The following ZNF2 variants were observed in gnomAD, a reference collection of about 807,000 sequenced individuals.
ZNF2 encodes the protein zinc finger protein 2.
Under a neutral mutation model 21.9 loss-of-function variants are expected in ZNF2, and 12 were observed. That is an observed-to-expected ratio of 0.55 (90% CI 0.35 to 0.89). The LOEUF (loss-of-function observed/expected upper bound fraction) is 0.89. ZNF2 is among the 40% of genes least tolerant of loss of function. The pLI, the probability that ZNF2 is intolerant of heterozygous loss-of-function variation, is 0.01. For missense variants in ZNF2, 462 were observed against 544.2 expected, an observed-to-expected ratio of 0.85 and a Z score of 1.50; for synonymous variants, 186 against 196.3, an observed-to-expected ratio of 0.95 and a Z score of 0.44.
chr2:95,171,628 G>A (rs1349530413), intron 1 of ZNF2, among the ~76,000 whole-genome samples: 3 of 152,084 alleles, frequency 2.0e-5, no homozygotes, highest in Non-Finnish European at 2.9e-5. Context: ...TGATCCACCC[G>A]CCTCGGCCTC....
chr2:95,172,509 C>T (rs1245011650), intron 1 of ZNF2, among the ~76,000 whole-genome samples: 1 of 152,036 alleles, frequency 6.6e-6, no homozygotes. Flanking sequence ...ATAAAAATAA[C>T]TTATAACTCA....
In ZNF2 at chr2:95,181,843, C is replaced by A; in HGVS notation, c.1015C>A (p.Pro339Thr). The A allele has an allele frequency of 6.2e-7, 1 of 1,614,044 alleles. No individual in the cohort carries two copies. The highest frequency in any genetic ancestry group is 8.5e-7 in the Non-Finnish European group (1 of 1,180,016). The change falls in exon 5 of 5, where the codon CCT becomes ACT. Residue 339 changes from proline (P) to threonine (T), a missense_variant. Physicochemically the swap from Pro to Thr is conservative, Grantham distance 38. Coordinates refer to ENST00000614034, the MANE Select transcript of ZNF2 (RefSeq NM_021088.4). ...ACATCAGAAAGCTCATGCTGGGGAC[C>A]CTCGCTATCAGTGTAACGAGTGTGG... Reference protein sequence around the residue: ...NRHQKAHAGDPRYQCNECGKA... With the variant: ...NRHQKAHAGDTRYQCNECGKA...
intron 1 of ZNF2, among the ~76,000 whole-genome samples, chr2:95,166,323 C>A (rs1283380151): frequency 6.6e-6 from 1 of 151,948 alleles, no homozygotes; most frequent in East Asian, 1.9e-4. Flanking sequence ...ACAACAACAA[C>A]AAAACAAAAA....
At chr2:95,169,920 A>T (rs1674215651) in intron 1 of ZNF2, among the ~76,000 whole-genome samples, 1 of 152,194 alleles carries the variant, frequency 6.6e-6, no homozygotes, top group Non-Finnish European at 1.5e-5. Context: ...CATCAAGATA[A>T]CTGCAAGAGA....
Position 95,183,646 on chromosome 2 carries a change from A to T in ZNF2, c.*1540A>T, listed in dbSNP as rs1476344436. ...TTTTTTTTTTTTTTTTGTGAGACAG[A>T]GTCTCACTCTGTCACCCAGGTTGGA... On this transcript the variant is annotated 3_prime_UTR_variant, in exon 5 of 5. Coordinates refer to ENST00000614034, the MANE Select transcript of ZNF2 (RefSeq NM_021088.4). The T allele has an allele frequency of 1.6e-5, 2 of 121,634 alleles. No individual in the cohort carries two copies. Among genetic ancestry groups the T allele is most frequent in the African/African-American group, 3.4e-5 (1 of 29,354 alleles). 7.5% of individuals were successfully genotyped at this position (121,634 alleles called of 1,614,324 possible).
chr2:95,180,971 C>T lies in ZNF2; in HGVS notation c.275-132C>T, dbSNP rs1281435111. ...CTCCCAGGTCTTAGTCCCTCCCTGCCGTGTAAGACTATCTATGGGAGCAAG... is the reference window on the plus strand; with the variant it reads ...CTCCCAGGTCTTAGTCCCTCCCTGCTGTGTAAGACTATCTATGGGAGCAAG... On this transcript the variant is annotated intron_variant, in intron 4 of 4. Transcript: ENST00000614034. 1.4e-5 allele frequency: 15 copies of T among 1,089,740 alleles called. No homozygotes were observed. In the Middle Eastern group the frequency reaches 1.2e-3, roughly 89 times the overall value. The allele number at this position is 1,089,740 out of a possible 1,614,324, so 67.5% of individuals were successfully genotyped here. A position where few individuals can be genotyped will look rare whatever the true frequency, so the allele number is the denominator to read the frequency against.
chr2:95,177,861 C>G (rs544216161), intron 3 of ZNF2, among the ~76,000 whole-genome samples: 1 of 152,154 alleles, frequency 6.6e-6, no homozygotes, highest in Non-Finnish European at 1.5e-5. Context: ...GCAGCCTGCC[C>G]GGCAAAATTC....
intron 1 of ZNF2, among the ~76,000 whole-genome samples, chr2:95,171,380 T>G (rs1388431532): frequency 2.0e-5 from 3 of 151,184 alleles, no homozygotes; most frequent in Admixed American, 1.3e-4. Flanking sequence ...TTTCTTCTTC[T>G]TCTTTTTTTT....
intron 3 of ZNF2, among the ~76,000 whole-genome samples, chr2:95,179,026 C>T (rs1674547501): frequency 6.9e-6 from 1 of 145,278 alleles, no homozygotes; most frequent in Non-Finnish European, 1.5e-5. Context: ...GAGTCTCACT[C>T]TGTTGCCTAG....
At chr2:95,179,480 A>T (rs1275110019) in intron 3 of ZNF2, among the ~76,000 whole-genome samples, 1 of 152,226 alleles carries the variant, frequency 6.6e-6, no homozygotes, top group African/African-American at 2.4e-5. Context: ...ATAAACAAAA[A>T]TGGGCAGTTT....
chr2:95,172,473 A>G (rs1016678840), intron 1 of ZNF2, among the ~76,000 whole-genome samples: 2 of 152,212 alleles, frequency 1.3e-5, no homozygotes, highest in African/African-American at 4.8e-5. Context: ...TCTTGTTGAA[A>G]AAAATATATG....
At chr2:95,168,202 A>G (rs1398564831) in intron 1 of ZNF2, among the ~76,000 whole-genome samples, 1 of 152,052 alleles carries the variant, frequency 6.6e-6, no homozygotes. Flanking sequence ...TGAGGCAGGC[A>G]GATCATGAGG....
chr2:95,167,550 C>T (rs536538561), intron 1 of ZNF2, among the ~76,000 whole-genome samples: 1 of 148,172 alleles, frequency 6.7e-6, no homozygotes, highest in East Asian at 2.0e-4. Flanking sequence ...ATAATAGGAT[C>T]AGAAATGCAT....
chr2:95,177,354 C>A, intron 2 of ZNF2, 129 bp from the exon 3 acceptor site: 2 of 1,101,672 alleles, frequency 1.8e-6, no homozygotes, highest in Non-Finnish European at 2.6e-6. Context: ...CTTTAAAGTT[C>A]TACTCAGTCA....
rs369497080 is a variant in ZNF2 at position 95,180,181 on chromosome 2, T to A, written c.183T>A (p.Asp61Glu). 2 of 1,613,946 alleles carry A rather than the reference T, an allele frequency of 1.2e-6. No homozygotes were observed. The highest frequency in any genetic ancestry group is 1.3e-5 in the African/African-American group (1 of 74,940). The change falls in exon 4 of 5, where the codon GAT becomes GAA. Residue 61 changes from aspartate (D) to glutamate (E), a missense_variant. Physicochemically the swap from Asp to Glu is conservative, Grantham distance 45. Transcript: ENST00000614034. ...VSLGLPVPQP[D>E]VIFQLKRGDK... ...CAGGCCTTCCAGTTCCTCAACCTGA[T>A]GTGATTTTCCAATTGAAGAGAGGGG...
At chr2:95,176,438 G>A (rs1185638671) in intron 2 of ZNF2, among the ~76,000 whole-genome samples, 179 bp downstream of exon 2, 3 of 152,144 alleles carry the variant, frequency 2.0e-5, no homozygotes, top group Non-Finnish European at 4.4e-5. Flanking sequence ...CTTGCTGTGA[G>A]CATGTGCCCA....
In ZNF2 at chr2:95,183,613, ATTTTTTTTTTTT is replaced by A. The variant is rs761092352; in HGVS notation, c.*1519_*1530del. ...TCTTCTCTTCCCTGGGCCCAGTCCT[ATTTTTTTTTTTT>A]TTTTTTTTTTTGTGAGACAGAGTCT... is the stretch of plus-strand genomic sequence containing the variant. On this transcript the variant is annotated 3_prime_UTR_variant, in exon 5 of 5. Coordinates refer to ENST00000614034, the MANE Select transcript of ZNF2 (RefSeq NM_021088.4). 2.3e-5 allele frequency: 2 copies of A among 87,226 alleles called. No homozygotes were observed. Among genetic ancestry groups the A allele is most frequent in the Middle Eastern group, 0.01 (1 of 96 alleles). 5.4% of individuals were successfully genotyped at this position (87,226 alleles called of 1,614,324 possible).
At chr2:95,168,152 C>G (rs1046906423) in intron 1 of ZNF2, among the ~76,000 whole-genome samples, 1 of 151,064 alleles carries the variant, frequency 6.6e-6, no homozygotes, top group African/African-American at 2.4e-5. Context: ...GGGGTCTGGG[C>G]GCTGTGGCTC....
In ZNF2 at chr2:95,181,601, A is replaced by G. The variant is rs1307390491; in HGVS notation, c.773A>G (p.Gln258Arg). ...ATTCACACTGGAGAGAAACCCTTTC[A>G]GTGCAACGAGTGTGGAAAAGCCTTT... Reference protein sequence around the residue: ...QRIHTGEKPFQCNECGKAFFD... With the variant: ...QRIHTGEKPFRCNECGKAFFD... The change falls in exon 5 of 5, where the codon CAG (glutamine) becomes CGG (arginine). Residue 258 changes from glutamine (Q) to arginine (R), a missense_variant. Coordinates refer to ENST00000614034, the MANE Select transcript of ZNF2 (RefSeq NM_021088.4). The G allele has an allele frequency of 6.2e-7, 1 of 1,614,136 alleles. No homozygotes were observed. The highest frequency in any genetic ancestry group is 8.5e-7 in the Non-Finnish European group (1 of 1,180,048).
Sources: allele counts gnomAD v4.1 joint callset (sites outside exome capture counted in the v4.1 genomes callset), GRCh38; gene constraint gnomAD v4.1.1; transcripts MANE v1.5; gene names NCBI Gene and HGNC (gene_info 2026-07-23, HGNC 2026-07-21).